Variants in SART1 observed in about 807,000 individuals in gnomAD.
SART1 encodes the protein spliceosome associated factor 1, recruiter of U4/U6.U5 tri-snRNP.
A neutral mutation model predicts 105.0 loss-of-function variants in SART1; 28 were observed. The ratio of observed to expected loss-of-function variants is 0.27; its 90% CI spans 0.20 to 0.37. SART1 has a LOEUF of 0.37. Among genes scored for constraint, SART1 ranks in the 10% least tolerant of loss-of-function variants. SART1 has a pLI of 1.00. For missense variants in SART1, 894 were observed against 1,106.5 expected, an observed-to-expected ratio of 0.81 and a Z score of 2.72; for synonymous variants, 472 against 462.9, an observed-to-expected ratio of 1.02 and a Z score of -0.25.
chr11:65,962,067 A>AGAAGC lies in SART1; in HGVS notation c.289_293dup (p.Asp99SerfsTer36). The AGAAGC allele has an allele frequency of 7.7e-7, 1 of 1,291,048 alleles. No individual in the cohort carries two copies. 80.0% of individuals were successfully genotyped at this position (1,291,048 alleles called of 1,614,324 possible). On this transcript the variant is annotated frameshift_variant, in exon 1 of 20. Coordinates refer to ENST00000312397, the MANE Select transcript of SART1 (RefSeq NM_005146.5). LOFTEE classifies it high-confidence loss of function. ...CCCTCCGAGCGGCGCGTGAAGCGGGAGAAGCGCGATGACGGCTACGAGGCC... is the reference window on the plus strand; with the variant it reads ...CCCTCCGAGCGGCGCGTGAAGCGGGAGAAGCGAAGCGCGATGACGGCTACGAGGCC...
chr11:65,967,195 G>A (rs1177159438), intron 9 of SART1, 64 bp from the exon 10 acceptor site: 2 of 1,588,914 alleles, frequency 1.3e-6, no homozygotes, highest in Admixed American at 1.7e-5. Context: ...GTTCACCCTC[G>A]AGGGCTTGTG....
intron 2 of SART1, 66 bp downstream of exon 2, chr11:65,964,197 G>A (rs1855202459): frequency 7.3e-7 from 1 of 1,366,166 alleles, no homozygotes; most frequent in African/African-American, 1.4e-5. Flanking sequence ...GCCAGCACGG[G>A]GGAGGCTTTC....
chr11:65,969,593 G>A (rs1855330970), intron 12 of SART1, among the ~76,000 whole-genome samples: 1 of 152,210 alleles, frequency 6.6e-6, no homozygotes, highest in Non-Finnish European at 1.5e-5. Context: ...GAGACTACAG[G>A]CGTGCGCCTG....
At chr11:65,962,130 CGGGG>C in intron 1 of SART1, 37 bp downstream of exon 1, 1 of 111,094 alleles carries the variant, frequency 9.0e-6, no homozygotes, top group Non-Finnish European at 1.6e-5. Context: ...GCGGGTCGGG[CGGGG>C]GTCCCGGAAC....
rs199576447 is a variant in SART1, at chr11:65,965,698, G to A, written c.661-4G>A. On this transcript the variant is annotated splice_polypyrimidine_tract_variant and splice_region_variant and intron_variant, in intron 5 of 19. Transcript: ENST00000312397. The stretch of plus-strand genomic sequence containing the variant: ...GTCCTAGGTCACCCCTCCCTGTCCC[G>A]TAGGCCAAGTTACTGGAGGAGATGG... 91 of 1,613,386 alleles carry A rather than the reference G, an allele frequency of 5.6e-5. No homozygotes were observed. In the African/African-American group the frequency reaches 8.7e-4, roughly 15 times the overall value.
rs183150285 is a variant in SART1 at position 65,964,710 on chromosome 11, C to T, written c.427+140C>T. Reference sequence around the variant, plus strand: ...ATTTGCCGGAAGGCATGAGGTCCCTCCTTGCTGGTATAATGGGGATCTGGG... The same window carrying T: ...ATTTGCCGGAAGGCATGAGGTCCCTTCTTGCTGGTATAATGGGGATCTGGG... On this transcript the variant is annotated intron_variant, in intron 3 of 19. Transcript: ENST00000312397. 4.1e-5 allele frequency: 34 copies of T among 829,008 alleles called. 1 individual carries two copies. In the Admixed American group the frequency reaches 8.9e-4, roughly 22 times the overall value. The allele number at this position is 829,008 out of a possible 1,614,324, so 51.4% of individuals were successfully genotyped here.
chr11:65,978,529 C>A lies in SART1; in HGVS notation c.2173-71C>A. 6.9e-7 allele frequency: 1 copy of A among 1,448,586 alleles called. No homozygotes were observed. 89.7% of individuals were successfully genotyped at this position (1,448,586 alleles called of 1,614,324 possible). On this transcript the variant is annotated intron_variant, in intron 17 of 19. Transcript: ENST00000312397. This position sits in a 1 kb window ranked among gnomAD's most constrained non-coding sequence, Gnocchi z 6.8. ...AATCAACACCCGCCCTGTTATTATA[C>A]ACCTTGTGGGCACAGGTGGCTCCGG... is the stretch of plus-strand genomic sequence containing the variant.
chr11:65,968,235 A>T (rs1193417972), intron 12 of SART1, among the ~76,000 whole-genome samples: 1 of 152,186 alleles, frequency 6.6e-6, no homozygotes, highest in Non-Finnish European at 1.5e-5. Context: ...GGTGTGTGCC[A>T]CCGTGCCCAG....
Position 65,967,284 on chromosome 11 carries a change from G to C in SART1, c.1214G>C (p.Arg405Thr), listed in dbSNP as rs557676171. The C allele has an allele frequency of 6.2e-7, 1 of 1,614,024 alleles. No individual in the cohort carries two copies. The highest frequency in any genetic ancestry group is 8.5e-7 in the Non-Finnish European group (1 of 1,180,018). ...GTGACCTTTAAAAAGACCAAGCGGA[G>C]GGTGAAGAAAATCCGCAAGAAGGAG... is the stretch of plus-strand genomic sequence containing the variant. ...EMVTFKKTKR[R>T]VKKIRKKEKE... Residue 405 changes from arginine to threonine, a missense_variant, in exon 10 of 20, where the codon AGG becomes ACG. By Grantham distance (71) the Arg-to-Thr change is moderately conservative (BLOSUM62 -1). Around this residue, in one of 2 missense-constraint regions of SART1, gnomAD observed 712 missense variants for 778.2 expected, o/e 0.91. Coordinates refer to ENST00000312397, the MANE Select transcript of SART1 (RefSeq NM_005146.5).
chr11:65,972,881 T>A (rs1855406176), intron 12 of SART1, among the ~76,000 whole-genome samples: 2 of 151,704 alleles, frequency 1.3e-5, no homozygotes, highest in Admixed American at 1.3e-4. Flanking sequence ...ACATAGAAAT[T>A]GAGAACGTGG....
chr11:65,979,170 T>C lies in SART1; in HGVS notation c.*140T>C. 9.1e-7 allele frequency: 1 copy of C among 1,104,244 alleles called. No individual in the cohort carries two copies. Among genetic ancestry groups the C allele is most frequent in the Non-Finnish European group, 1.3e-6 (1 of 752,130 alleles). 68.4% of individuals were successfully genotyped at this position (1,104,244 alleles called of 1,614,324 possible). A position where few individuals can be genotyped will look rare whatever the true frequency, so the allele number is the denominator to read the frequency against. On this transcript the variant is annotated 3_prime_UTR_variant, in exon 20 of 20. Coordinates refer to ENST00000312397, the MANE Select transcript of SART1 (RefSeq NM_005146.5). The stretch of plus-strand genomic sequence containing the variant: ...GGCACAGAGTCTGGCTCCTGCTAGG[T>C]GAGACCTGGCCATCAAATGACACAA...
chr11:65,967,244 C>T lies in SART1; in HGVS notation c.1189-15C>T. On this transcript the variant is annotated splice_polypyrimidine_tract_variant and intron_variant, in intron 9 of 19. Transcript: ENST00000312397. ...CTGTGGCCCCCGCTCCATGTCTCGC[C>T]CCTCTTCCCTTAAGGTGACCTTTAA... 1 of 1,612,660 alleles carries T rather than the reference C, an allele frequency of 6.2e-7. No homozygotes were observed. The highest frequency in any genetic ancestry group is 8.5e-7 in the Non-Finnish European group (1 of 1,179,214).
In SART1 at chr11:65,976,786, G is replaced by A. The variant is rs376847340; in HGVS notation, c.1857+20G>A. The A allele has an allele frequency of 7.6e-6, 12 of 1,580,256 alleles. No homozygotes were observed. Among genetic ancestry groups the A allele is most frequent in the East Asian group, 2.3e-5 (1 of 43,414 alleles). On this transcript the variant is annotated intron_variant, in intron 14 of 19. Coordinates refer to ENST00000312397, the MANE Select transcript of SART1 (RefSeq NM_005146.5). The surrounding 1 kb of genome is among the most constrained non-coding windows in gnomAD (Gnocchi z 5.1). ...CAGGATGTGAGGGCCGCGCCGCTGGGGGGTGGGCGTTTGGGGGTGCTCAAG... is the reference window on the plus strand; with the variant it reads ...CAGGATGTGAGGGCCGCGCCGCTGGAGGGTGGGCGTTTGGGGGTGCTCAAG...
At chr11:65,967,646 G>A in intron 11 of SART1, 33 bp from the exon 12 acceptor site, 1 of 1,590,528 alleles carries the variant, frequency 6.3e-7, no homozygotes, top group Non-Finnish European at 8.6e-7. Flanking sequence ...TGGAGGAGAT[G>A]GTCTGAGCAG....
chr11:65,968,206 C>T (rs866580354), intron 12 of SART1, among the ~76,000 whole-genome samples: 2 of 152,120 alleles, frequency 1.3e-5, no homozygotes, highest in Non-Finnish European at 2.9e-5. Flanking sequence ...CCTCTGCCTC[C>T]GAAAATGCTA....
Position 65,976,794 on chromosome 11 carries a change from C to A in SART1, c.1857+28C>A. The A allele has an allele frequency of 6.4e-7, 1 of 1,551,244 alleles. No homozygotes were observed. The highest frequency in any genetic ancestry group is 8.8e-7 in the Non-Finnish European group (1 of 1,140,140). On this transcript the variant is annotated intron_variant, in intron 14 of 19. Transcript: ENST00000312397. The surrounding 1 kb of genome is among the most constrained non-coding windows in gnomAD (Gnocchi z 5.1). ...GAGGGCCGCGCCGCTGGGGGGTGGG[C>A]GTTTGGGGGTGCTCAAGCTGGAGAT...
intron 12 of SART1, 77 bp downstream of exon 12, chr11:65,967,898 C>T (rs768761142): frequency 3.4e-5 from 40 of 1,189,986 alleles, no homozygotes; most frequent in Admixed American, 3.4e-5. Flanking sequence ...AGGCGACAGC[C>T]ACATTCCTGT....
At chr11:65,962,348 T>C (rs1428593069) in intron 1 of SART1, among the ~76,000 whole-genome samples, 2 of 152,232 alleles carry the variant, frequency 1.3e-5, no homozygotes, top group Non-Finnish European at 2.9e-5. Context: ...AAAGTCTTTC[T>C]ACGGTTGTTT....
At chr11:65,970,199 A>C (rs1855344810) in intron 12 of SART1, among the ~76,000 whole-genome samples, 1 of 152,040 alleles carries the variant, frequency 6.6e-6, no homozygotes, top group Admixed American at 6.6e-5. Flanking sequence ...ATATCATGAC[A>C]CTGCATCCTT....
Sources: allele counts gnomAD v4.1 joint callset (sites outside exome capture counted in the v4.1 genomes callset), GRCh38; gene constraint gnomAD v4.1.1; regional missense constraint gnomAD v4.1.1; non-coding constraint Gnocchi (gnomAD v3.1); transcripts MANE v1.5; gene names NCBI Gene and HGNC (gene_info 2026-07-23, HGNC 2026-07-21).